Variants in KLKB1 observed in about 807,000 individuals in gnomAD.
KLKB1 encodes the protein plasma kallikrein.
A neutral mutation model predicts 73.6 loss-of-function variants in KLKB1; 58 were observed. That is an observed-to-expected ratio of 0.79 (90% CI 0.64 to 0.98). KLKB1 has a LOEUF of 0.98. Ranked by LOEUF, KLKB1 falls within the 50% of genes least tolerant of loss-of-function variation. The probability of loss-of-function intolerance (pLI) is 0.00; values close to 1 mark genes in which losing one functional copy is unlikely to be tolerated. For missense variants in KLKB1, 737 were observed against 763.8 expected (o/e 0.96, Z 0.41); for synonymous variants, 280 against 258.1 (o/e 1.08, Z -0.81).
intron 6 of KLKB1, among the ~76,000 whole-genome samples, chr4:186,239,384 A>G (rs1580006464): frequency 6.6e-6 from 1 of 151,072 alleles, no homozygotes; most frequent in African/African-American, 2.4e-5. Flanking sequence ...TTATAGGTAC[A>G]GTGATATAGG....
chr4:186,234,143 G>GCCATACAGCCATACAGCCATACAGC, intron 4 of KLKB1, 85 bp downstream of exon 4: 1 of 1,017,070 alleles, frequency 9.8e-7, no homozygotes, highest in Non-Finnish European at 1.6e-6. Context: ...TACTGCTACA[G>GCCATACAGCCATACAGCCATACAGC]CTTTTTGGAA....
In KLKB1 at chr4:186,258,204, C is replaced by A. The variant is rs1056283688; in HGVS notation, c.1909C>A (p.Pro637Thr). ...SSDGKAQMQS[P>T]A The stretch of plus-strand genomic sequence containing the variant: ...TGATGGAAAAGCTCAGATGCAGTCA[C>A]CAGCATGAGAAGCAGTCCAGAGTCT... The change falls in exon 15 of 15, where the codon CCA becomes ACA. Residue 637 changes from proline (P) to threonine (T), a missense_variant. Coordinates refer to ENST00000264690, the MANE Select transcript of KLKB1 (RefSeq NM_000892.5). 14 of 1,613,686 alleles carry A rather than the reference C, an allele frequency of 8.7e-6. No individual in the cohort carries two copies. Among genetic ancestry groups the A allele is most frequent in the Non-Finnish European group, 1.1e-5 (13 of 1,179,886 alleles).
intron 2 of KLKB1, 128 bp from the exon 3 acceptor site, chr4:186,231,999 C>A: frequency 1.6e-6 from 1 of 645,092 alleles, no homozygotes; most frequent in Non-Finnish European, 2.6e-6. Context: ...ATTTTCTCAG[C>A]ATAATTAGAG....
intron 6 of KLKB1, among the ~76,000 whole-genome samples, chr4:186,244,124 G>T (rs1293983426): frequency 6.6e-6 from 1 of 152,148 alleles, no homozygotes; most frequent in South Asian, 2.1e-4. Flanking sequence ...TAATGAAAAG[G>T]GTTGGGATGA....
chr4:186,255,078 T>A (rs1738923740), intron 12 of KLKB1, among the ~76,000 whole-genome samples: 1 of 152,214 alleles, frequency 6.6e-6, no homozygotes. Flanking sequence ...GTAGCAGAAC[T>A]GTCATTGCTT....
chr4:186,213,659 T>A (rs746874569), intron 2 of KLKB1, among the ~76,000 whole-genome samples: 3 of 152,190 alleles, frequency 2.0e-5, no homozygotes, highest in Non-Finnish European at 4.4e-5. Flanking sequence ...TCCCAGGGAT[T>A]TAGAGTCCAG....
intron 5 of KLKB1, among the ~76,000 whole-genome samples, chr4:186,237,435 G>T (rs955223627): frequency 5.9e-5 from 9 of 152,040 alleles, no homozygotes; most frequent in Admixed American, 2.0e-4. Context: ...AATTTCATTT[G>T]TTTCTCTACT....
intron 4 of KLKB1, among the ~76,000 whole-genome samples, chr4:186,235,020 T>A (rs1220931277): frequency 6.6e-6 from 1 of 152,222 alleles, no homozygotes; most frequent in Admixed American, 6.5e-5. Context: ...CTCATTGATA[T>A]CACCTCTTCA....
intron 2 of KLKB1, among the ~76,000 whole-genome samples, chr4:186,215,466 T>C (rs78778893): frequency 6.6e-6 from 1 of 151,802 alleles, no homozygotes; most frequent in South Asian, 2.1e-4. Context: ...TTTTTTTTTT[T>C]CTATATTCTA....
Position 186,215,457 on chromosome 4 carries a change from T to C in KLKB1, c.201+6185T>C, listed in dbSNP as rs1736874842. 2.0e-5 allele frequency among the ~76,000 whole-genome samples: 3 copies of C among 150,146 alleles called. No homozygotes were observed. In the South Asian group the frequency reaches 6.3e-4, roughly 31 times the overall value. ...TCTCTCCTTGCTTGCTTGCTTTCCT[T>C]TTTTTTTTTCTATATTCTACCTCTA... On this transcript the variant is annotated intron_variant, in intron 2 of 14. Coordinates refer to the KLKB1 transcript ENST00000511608.
chr4:186,237,967 C>A (rs1019785986), intron 5 of KLKB1, among the ~76,000 whole-genome samples: 4 of 151,966 alleles, frequency 2.6e-5, no homozygotes, highest in African/African-American at 9.7e-5. Context: ...TTTCCTGAAG[C>A]GAATTTTGGT....
At chr4:186,236,261 C>T (rs1460759925) in intron 4 of KLKB1, among the ~76,000 whole-genome samples, 1 of 152,148 alleles carries the variant, frequency 6.6e-6, no homozygotes, top group Non-Finnish European at 1.5e-5. Flanking sequence ...GAAGTGGTTT[C>T]ATCATGCGTA....
intron 2 of KLKB1, among the ~76,000 whole-genome samples, chr4:186,216,708 T>C (rs956338195): frequency 1.3e-5 from 2 of 152,212 alleles, no homozygotes; most frequent in Non-Finnish European, 2.9e-5. Context: ...CATGTTCTTT[T>C]TGGCTCTTGT....
intron 3 of KLKB1, among the ~76,000 whole-genome samples, chr4:186,232,768 G>A (rs1410613669): frequency 2.0e-5 from 3 of 152,152 alleles, no homozygotes; most frequent in Non-Finnish European, 4.4e-5. Context: ...TTTGGGACAG[G>A]GCAGTTCTAA....
In KLKB1 at chr4:186,254,740, T is replaced by A; in HGVS notation, c.1466T>A (p.Leu489His). Residue 489 changes from leucine (L) to histidine (H), a missense_variant, in exon 12 of 15, where the codon CTC becomes CAC. Leu to His is a moderately conservative substitution (Grantham distance 99, BLOSUM62 -3). Coordinates refer to ENST00000264690, the MANE Select transcript of KLKB1 (RefSeq NM_000892.5). ...EGNHDIALIK[L>H]QAPLNYTEFQ... ...AATCATGATATCGCCTTGATAAAAC[T>A]CCAGGCTCCTTTGAATTACACTGGT... The A allele has an allele frequency of 1.9e-6, 3 of 1,613,746 alleles. No individual in the cohort carries two copies. In the South Asian group the frequency reaches 3.3e-5, roughly 18 times the overall value.
chr4:186,222,820 T>G (rs965515122), upstream of KLKB1, among the ~76,000 whole-genome samples: 2 of 152,218 alleles, frequency 1.3e-5, no homozygotes. Flanking sequence ...TAGCATTTTT[T>G]GTAAGGCAGG....
chr4:186,213,736 C>T (rs188695668), intron 2 of KLKB1, among the ~76,000 whole-genome samples: 10 of 152,280 alleles, frequency 6.6e-5, no homozygotes, highest in Non-Finnish European at 1.0e-4. Flanking sequence ...CTGGGGATAT[C>T]AGTTTCTGGA....
At position 186,252,007 on chromosome 4, in the gene KLKB1, CTCT is replaced by C. The variant is rs1426830825; in HGVS notation, c.1145-8_1145-6del. On this transcript the variant is annotated splice_region_variant and splice_polypyrimidine_tract_variant and intron_variant, in intron 10 of 14. Transcript: ENST00000264690. ...AATTCCAACCATTAGCGTCAACGCT[CTCT>C]TTTCAGTCTGCACAACAAAAACAAG... 27 of 1,614,100 alleles carry C rather than the reference CTCT, an allele frequency of 1.7e-5. No homozygotes were observed. Among genetic ancestry groups the C allele is most frequent in the Non-Finnish European group, 2.1e-5 (25 of 1,180,062 alleles).
chr4:186,215,081 T>A (rs1736851789), intron 2 of KLKB1, among the ~76,000 whole-genome samples: 1 of 152,222 alleles, frequency 6.6e-6, no homozygotes, highest in Non-Finnish European at 1.5e-5. Context: ...ATAAAAATGT[T>A]GGGATAACTT....
Sources: gnomAD v4.1 joint callset for allele counts (sites outside exome capture counted in the v4.1 genomes callset) on GRCh38, gnomAD v4.1.1 for gene constraint, MANE v1.5 for transcripts, NCBI Gene and HGNC (gene_info 2026-07-23, HGNC 2026-07-21) for gene names.